The following PLEKHA7 variants were observed in gnomAD, a reference collection of about 807,000 sequenced individuals.
The protein encoded by PLEKHA7 is pleckstrin homology domain containing A7.
Under a neutral mutation model 170.0 loss-of-function variants are expected in PLEKHA7, and 104 were observed. That is an observed-to-expected ratio of 0.61 (90% CI 0.52 to 0.72). PLEKHA7 has a LOEUF of 0.72. Ranked by LOEUF, PLEKHA7 falls within the 30% of genes least tolerant of loss-of-function variation. The pLI is 0.00. For missense variants in PLEKHA7, 1,615 were observed against 1,671.7 expected (o/e 0.97, Z 0.59); for synonymous variants, 648 against 660.8 (o/e 0.98, Z 0.30).
At chr11:16,812,669 C>A (rs531580417) in intron 13 of PLEKHA7, among the ~76,000 whole-genome samples, 1 of 152,164 alleles carries the variant, frequency 6.6e-6, no homozygotes. Flanking sequence ...GGGAGACTAC[C>A]GGTGAGCCTC....
At chr11:16,888,988 G>T (rs1307435708) in intron 3 of PLEKHA7, among the ~76,000 whole-genome samples, 2 of 96,106 alleles carry the variant, frequency 2.1e-5, no homozygotes, top group Non-Finnish European at 4.4e-5. Context: ...TCAGGCCTCT[G>T]AGCTGAAGCT....
At chr11:16,894,526 G>C (rs1565084124) in intron 3 of PLEKHA7, among the ~76,000 whole-genome samples, 1 of 152,252 alleles carries the variant, frequency 6.6e-6, no homozygotes, top group East Asian at 1.9e-4. Context: ...GTGAGCAGGA[G>C]AGAGGTATCA....
chr11:16,897,852 C>T (rs1000904031), intron 3 of PLEKHA7, among the ~76,000 whole-genome samples: 1 of 152,110 alleles, frequency 6.6e-6, no homozygotes, highest in Admixed American at 6.5e-5. Flanking sequence ...ATGTGCAGTT[C>T]GGTGCTGCAA....
At chr11:16,962,473 T>C (rs1862123596) in intron 3 of PLEKHA7, among the ~76,000 whole-genome samples, 1 of 152,164 alleles carries the variant, frequency 6.6e-6, no homozygotes, top group African/African-American at 2.4e-5. Context: ...ACAAGCACCT[T>C]ATTTTTGGAT....
rs7483307 is a variant in PLEKHA7 at position 16,906,854 on chromosome 11, G to C, written c.222-35672C>G. On this transcript the variant is annotated intron_variant, in intron 3 of 26. Coordinates refer to ENST00000531066, the MANE Select transcript of PLEKHA7 (RefSeq NM_001329630.2). Reference sequence around the variant, plus strand: ...TGGAAAGTGAGGAGCATCTCTGCCCGGCCGCCATCCCATCTAGGAAGTGAG... The same window carrying C: ...TGGAAAGTGAGGAGCATCTCTGCCCCGCCGCCATCCCATCTAGGAAGTGAG... Among the ~76,000 whole-genome samples the C allele has an allele frequency of 2.4e-5, 3 of 123,264 alleles. No individual in the cohort carries two copies. The East Asian group carries it at 6.2e-4, about 26-fold the overall frequency. 80.9% of individuals were successfully genotyped at this position (123,264 alleles called of 152,430 possible).
intron 3 of PLEKHA7, among the ~76,000 whole-genome samples, chr11:16,993,131 AC>A (rs1459435332): frequency 9.9e-5 from 15 of 152,178 alleles, no homozygotes; most frequent in Non-Finnish European, 2.9e-5. Context: ...CAGGCTCAGT[AC>A]CAAGAAACCC....
chr11:16,787,310 C>T, intron 23 of PLEKHA7: 1 of 856,722 alleles, frequency 1.2e-6, no homozygotes, highest in Non-Finnish European at 1.4e-6. Context: ...CCTCAAAGCC[C>T]CAAATGGTCC....
At chr11:16,865,174 T>A (rs756014727) in intron 4 of PLEKHA7, among the ~76,000 whole-genome samples, 1 of 152,242 alleles carries the variant, frequency 6.6e-6, no homozygotes, top group Non-Finnish European at 1.5e-5. Context: ...CATCAATTTG[T>A]ATTGAATGAA....
Position 16,817,535 on chromosome 11 carries a change from G to A in PLEKHA7, c.1344-213C>T, listed in dbSNP as rs937641424. On this transcript the variant is annotated intron_variant, in intron 10 of 26. Coordinates refer to ENST00000531066, the MANE Select transcript of PLEKHA7 (RefSeq NM_001329630.2). This position sits in a 1 kb window ranked among gnomAD's most constrained non-coding sequence, Gnocchi z 4.4. ...TTTTCTCTGTCAACTTCCTCTGCCAGGACAACTTGGCTACCCCATGCCCAT... is the reference window on the plus strand; with the variant it reads ...TTTTCTCTGTCAACTTCCTCTGCCAAGACAACTTGGCTACCCCATGCCCAT... The A allele has an allele frequency of 8.0e-6, 4 of 499,710 alleles. No homozygotes were observed. In the Admixed American group the frequency reaches 1.4e-4, roughly 18 times the overall value. The allele number at this position is 499,710 out of a possible 1,614,324, so 31.0% of individuals were successfully genotyped here.
At chr11:16,976,620 T>TC (rs1863081329) in intron 3 of PLEKHA7, among the ~76,000 whole-genome samples, 8 of 152,162 alleles carry the variant, frequency 5.3e-5, no homozygotes, top group Admixed American at 5.2e-4. Context: ...CTATCTAAAA[T>TC]CCCCAGCCCT....
chr11:16,839,731 C>A (rs1222840911), intron 9 of PLEKHA7, among the ~76,000 whole-genome samples: 1 of 151,954 alleles, frequency 6.6e-6, no homozygotes, highest in Admixed American at 6.6e-5. Flanking sequence ...AAAGTATGTG[C>A]GTAGGTTATA....
intron 17 of PLEKHA7, among the ~76,000 whole-genome samples, chr11:16,797,996 G>C (rs747127238): frequency 6.6e-6 from 1 of 152,226 alleles, no homozygotes; most frequent in Non-Finnish European, 1.5e-5. Flanking sequence ...GGGGAAATGA[G>C]GGGGTGGAGT....
chr11:16,893,017 AG>A (rs1442980655), intron 3 of PLEKHA7, among the ~76,000 whole-genome samples: 1 of 152,150 alleles, frequency 6.6e-6, no homozygotes, highest in Non-Finnish European at 1.5e-5. Context: ...CCCATTCATG[AG>A]GGCTCGACCC....
chr11:16,817,112 G>C lies in PLEKHA7; in HGVS notation c.1554C>G (p.Gly518=), dbSNP rs775313179. Residue 518 remains glycine (G), a synonymous_variant, in exon 11 of 27, where the codon GGC becomes GGG. Transcript: ENST00000531066. This position sits in a 1 kb window ranked among gnomAD's most constrained non-coding sequence, Gnocchi z 4.4. The stretch of plus-strand genomic sequence containing the variant: ...GCCACTCGTAGAGCTGCCACACGGT[G>C]CCATCCCGGTGCGCCCGGCGCTCTT... ...SSEERRAHRD[G]TVWQLYEWQQ... The C allele has an allele frequency of 1.2e-6, 2 of 1,614,124 alleles. No individual in the cohort carries two copies. The highest frequency in any genetic ancestry group is 8.5e-7 in the Non-Finnish European group (1 of 1,180,020).
chr11:16,927,195 A>G (rs1264211202), intron 3 of PLEKHA7, among the ~76,000 whole-genome samples: 1 of 152,244 alleles, frequency 6.6e-6, no homozygotes, highest in African/African-American at 2.4e-5. Context: ...AAATAAAAAT[A>G]AAATGAGAGG....
chr11:16,813,453 AG>A, intron 12 of PLEKHA7: 1 of 365,200 alleles, frequency 2.7e-6, no homozygotes, highest in Non-Finnish European at 5.3e-6. Flanking sequence ...AGGGTAGCTG[AG>A]GCAGTGCTGT....
intron 3 of PLEKHA7, among the ~76,000 whole-genome samples, chr11:16,952,465 T>A (rs1176881623): frequency 2.0e-5 from 3 of 152,144 alleles, no homozygotes; most frequent in Admixed American, 6.5e-5. Flanking sequence ...ACCTCCAGAC[T>A]TTCATGTGAA....
At chr11:16,940,780 A>C (rs1350051095) in intron 3 of PLEKHA7, among the ~76,000 whole-genome samples, 2 of 152,066 alleles carry the variant, frequency 1.3e-5, no homozygotes, top group Admixed American at 6.6e-5. Flanking sequence ...TTCACTTTCC[A>C]TAGGCAAGTA....
At chr11:16,779,314 A>G (rs1326761259) in intron 26 of PLEKHA7, among the ~76,000 whole-genome samples, 3 of 152,182 alleles carry the variant, frequency 2.0e-5, no homozygotes, top group Non-Finnish European at 2.9e-5. Context: ...TCATTCTTTC[A>G]ATGTGGGTAG....
Sources: gnomAD v4.1 joint callset for allele counts (sites outside exome capture counted in the v4.1 genomes callset) on GRCh38, gnomAD v4.1.1 for gene constraint, Gnocchi (gnomAD v3.1) non-coding constraint, MANE v1.5 for transcripts, NCBI Gene and HGNC (gene_info 2026-07-23, HGNC 2026-07-21) for gene names.